Variants in GAL3ST2 observed in about 807,000 individuals in gnomAD.
The protein encoded by GAL3ST2 is beta-galactose-3-O-sulfotransferase 2.
GAL3ST2 carries 16 observed loss-of-function variants against 12.9 expected under a neutral mutation model. The observed-to-expected ratio is 1.24, with a 90% CI of 0.84 to 1.88. The LOEUF is 1.88. Ranked by LOEUF, GAL3ST2 falls within the 40% of genes most tolerant of loss-of-function variation. The pLI is 0.00. For missense variants in GAL3ST2, 639 were observed against 571.8 expected, an observed-to-expected ratio of 1.12 and a Z score of -1.20; for synonymous variants, 302 against 273.9, an observed-to-expected ratio of 1.10 and a Z score of -1.01.
intron 3 of GAL3ST2, 34 bp from the exon 4 acceptor site, chr2:241,803,311 G>A (rs1404922397): frequency 2.6e-6 from 4 of 1,530,822 alleles, no homozygotes; most frequent in Middle Eastern, 1.7e-4. Context: ...GCCTGGGCCC[G>A]CGGTCCGCAG....
intron 1 of GAL3ST2, among the ~76,000 whole-genome samples, chr2:241,779,273 T>C (rs1575360215): frequency 8.5e-6 from 1 of 117,852 alleles, no homozygotes; most frequent in South Asian, 3.2e-4. Flanking sequence ...TCGCTCTCTC[T>C]CCCAGTCTGG....
rs1401937009 is a variant in GAL3ST2, at chr2:241,793,749, T to C, written c.30-5316T>C. On this transcript the variant is annotated intron_variant, in intron 1 of 3. Transcript: ENST00000192314. The surrounding 1 kb of genome is among the most constrained non-coding windows in gnomAD (Gnocchi z 4.7). ...GTGTATGTGTGTATATGTATGTGTG[T>C]GTGTATTGTGTATGTGTAGTGTGTA... 1.3e-5 allele frequency among the ~76,000 whole-genome samples: 2 copies of C among 151,942 alleles called. No individual in the cohort carries two copies. Among genetic ancestry groups the C allele is most frequent in the African/African-American group, 4.8e-5 (2 of 41,344 alleles).
At position 241,777,048 on chromosome 2, in the gene GAL3ST2, C is replaced by T. The variant is rs894835361; in HGVS notation, c.29+64C>T. 63 of 1,344,696 alleles carry T rather than the reference C, an allele frequency of 4.7e-5. No homozygotes were observed. In the Admixed American group the frequency reaches 4.8e-4, roughly 10 times the overall value. 83.3% of individuals were successfully genotyped at this position (1,344,696 alleles called of 1,614,324 possible). ...CTTCATCTGTGGCTATTCTGAGAGA[C>T]GGACAGGAGTGGGTTTTGTTTGTCT... is the stretch of plus-strand genomic sequence containing the variant. On this transcript the variant is annotated intron_variant, in intron 1 of 3. Coordinates refer to ENST00000192314, the MANE Select transcript of GAL3ST2 (RefSeq NM_022134.3).
chr2:241,778,045 G>T (rs1699515673), intron 1 of GAL3ST2, among the ~76,000 whole-genome samples: 1 of 152,220 alleles, frequency 6.6e-6, no homozygotes, highest in South Asian at 2.1e-4. Flanking sequence ...AGCAGCCCAT[G>T]CAGGCTGCAC....
intron 1 of GAL3ST2, among the ~76,000 whole-genome samples, chr2:241,778,666 C>T (rs1438071464): frequency 6.6e-6 from 1 of 152,126 alleles, no homozygotes; most frequent in Non-Finnish European, 1.5e-5. Flanking sequence ...TGAGGACGTG[C>T]ACCCATGACC....
At position 241,799,068 on chromosome 2, in the gene GAL3ST2, C is replaced by G. The variant is rs1284259175; in HGVS notation, c.33C>G (p.Tyr11Ter). MMSMLGGLQR[Y>*]FRVILLLLLA... is the part of the protein sequence containing the mutation. ...TCATGGCCTGCCCTTTCCACAGATA[C>G]TTCCGGGTCATCCTCCTCCTCCTCC... The change falls in exon 2 of 4, where the codon TAC becomes TAG. Residue 11 changes from tyrosine to a stop codon, truncating the protein, a stop_gained. Coordinates refer to ENST00000192314, the MANE Select transcript of GAL3ST2 (RefSeq NM_022134.3). LOFTEE classifies it high-confidence loss of function. The G allele has an allele frequency of 1.2e-6, 2 of 1,613,238 alleles. No homozygotes were observed. The highest frequency in any genetic ancestry group is 3.3e-5 in the Admixed American group (2 of 60,004).
rs766568127 is a variant in GAL3ST2, at chr2:241,803,969, A to G, written c.1000A>G (p.Ile334Val). The G allele has an allele frequency of 3.3e-6, 5 of 1,533,758 alleles. No individual in the cohort carries two copies. In the Admixed American group the frequency reaches 8.0e-5, roughly 25 times the overall value. Residue 334 changes from isoleucine (I) to valine (V), a missense_variant, in exon 4 of 4, where the codon ATC becomes GTC. Ile to Val is a conservative substitution (Grantham distance 29, BLOSUM62 3). Transcript: ENST00000192314. ...CGGCGCGCTCAAGAACCACACGCAG[A>G]TCAGAGACCCGCGCCTGCGCCCCTA... ...DGGALKNHTQ[I>V]RDPRLRPYQS...
In GAL3ST2 at chr2:241,793,919, T is replaced by A. The variant is rs1368851221; in HGVS notation, c.30-5146T>A. On this transcript the variant is annotated intron_variant, in intron 1 of 3. Coordinates refer to ENST00000192314, the MANE Select transcript of GAL3ST2 (RefSeq NM_022134.3). The surrounding 1 kb of genome is among the most constrained non-coding windows in gnomAD (Gnocchi z 4.7). The stretch of plus-strand genomic sequence containing the variant: ...AACCAGAAGTTCCCTGAGCTGGAGA[T>A]GGGATGTCTTAAGTCGGTTTTGTTG... 6.6e-6 allele frequency among the ~76,000 whole-genome samples: 1 copy of A among 152,066 alleles called. No homozygotes were observed. The highest frequency in any genetic ancestry group is 2.4e-5 in the African/African-American group (1 of 41,380).
At chr2:241,798,542 C>T (rs1269245683) in intron 1 of GAL3ST2, among the ~76,000 whole-genome samples, 1 of 152,160 alleles carries the variant, frequency 6.6e-6, no homozygotes, top group African/African-American at 2.4e-5. Context: ...CTCCACCCGC[C>T]CTCAAACCTC....
At chr2:241,788,488 A>G (rs1017418368) in intron 1 of GAL3ST2, among the ~76,000 whole-genome samples, 5 of 151,984 alleles carry the variant, frequency 3.3e-5, no homozygotes, top group Non-Finnish European at 5.9e-5. Context: ...TTCTCCCAAC[A>G]TTAATCTCAG....
At chr2:241,789,198 T>C (rs1331446559) in intron 1 of GAL3ST2, among the ~76,000 whole-genome samples, 5 of 152,230 alleles carry the variant, frequency 3.3e-5, no homozygotes. Context: ...AAAACCACTG[T>C]TTCGATCTAG....
Position 241,795,720 on chromosome 2 carries a change from C to T in GAL3ST2, c.30-3345C>T, listed in dbSNP as rs536020017. Among the ~76,000 whole-genome samples, 2 of 152,366 alleles carry T rather than the reference C, an allele frequency of 1.3e-5. No individual in the cohort carries two copies. The highest frequency in any genetic ancestry group is 4.1e-4 in the South Asian group (2 of 4,832). On this transcript the variant is annotated intron_variant, in intron 1 of 3. Coordinates refer to ENST00000192314, the MANE Select transcript of GAL3ST2 (RefSeq NM_022134.3). The surrounding 1 kb of genome is among the most constrained non-coding windows in gnomAD (Gnocchi z 4.5). ...GAGCTCCGCTCTCAGTGTGGGGCCT[C>T]GTTTGGGTTTGGGAAAACATGTCCT...
chr2:241,803,597 G>A lies in GAL3ST2; in HGVS notation c.628G>A (p.Val210Met). ...DPNAQCEEGY[V>M]RARIAEVERR... ...CAACGCGCAGTGCGAGGAGGGCTAC[G>A]TGCGCGCGCGCATCGCCGAGGTGGA... Residue 210 changes from valine to methionine, a missense_variant, in exon 4 of 4, where the codon GTG becomes ATG. By Grantham distance (21) the Val-to-Met change is conservative. Transcript: ENST00000192314. The A allele has an allele frequency of 6.4e-7, 1 of 1,573,854 alleles. No individual in the cohort carries two copies. Among genetic ancestry groups the A allele is most frequent in the East Asian group, 2.3e-5 (1 of 42,862 alleles).
chr2:241,801,817 CAACATCA>C lies in GAL3ST2; in HGVS notation c.157_163del (p.Asn53CysfsTer3). 1 of 1,612,876 alleles carries C rather than the reference CAACATCA, an allele frequency of 6.2e-7. No homozygotes were observed. Among genetic ancestry groups the C allele is most frequent in the South Asian group, 1.1e-5 (1 of 91,086 alleles). ...GCCAGGCTGAGGGGCCGCCGGTCAC[CAACATCA>C]TGTTCCTGAAGACGCACAAGACGGC... On this transcript the variant is annotated frameshift_variant, in exon 3 of 4. Coordinates refer to ENST00000192314, the MANE Select transcript of GAL3ST2 (RefSeq NM_022134.3). LOFTEE classifies it high-confidence loss of function. The surrounding 1 kb of genome is among the most constrained non-coding windows in gnomAD (Gnocchi z 4.4).
At chr2:241,790,522 T>C (rs1699682449) in intron 1 of GAL3ST2, among the ~76,000 whole-genome samples, 2 of 152,230 alleles carry the variant, frequency 1.3e-5, no homozygotes, top group African/African-American at 4.8e-5. Flanking sequence ...CCCAAATTCC[T>C]ATCTAAGAGG....
In GAL3ST2 at chr2:241,800,377, C is replaced by G. The variant is rs1699827932; in HGVS notation, c.119+1223C>G. 6.6e-6 allele frequency among the ~76,000 whole-genome samples: 1 copy of G among 150,756 alleles called. No individual in the cohort carries two copies. Among genetic ancestry groups the G allele is most frequent in the Admixed American group, 6.6e-5 (1 of 15,216 alleles). ...GGGCACTTCGAGGGAGGGGGTGGGA[C>G]AGGGGCTTACGCTGAACGGCTTGGC... On this transcript the variant is annotated intron_variant, in intron 2 of 3. Coordinates refer to ENST00000192314, the MANE Select transcript of GAL3ST2 (RefSeq NM_022134.3). This position sits in a 1 kb window ranked among gnomAD's most constrained non-coding sequence, Gnocchi z 5.2.
chr2:241,804,254 C>T lies in GAL3ST2; in HGVS notation c.*88C>T. 1 of 1,196,536 alleles carries T rather than the reference C, an allele frequency of 8.4e-7. No individual in the cohort carries two copies. Among genetic ancestry groups the T allele is most frequent in the South Asian group, 2.2e-5 (1 of 44,552 alleles). 74.1% of individuals were successfully genotyped at this position (1,196,536 alleles called of 1,614,324 possible). ...GAGGCCGGGGATCCTTGCAGGGCTTCTGGGGCGTTGGGAAACCCAGGCCCG... is the reference window on the plus strand; with the variant it reads ...GAGGCCGGGGATCCTTGCAGGGCTTTTGGGGCGTTGGGAAACCCAGGCCCG... On this transcript the variant is annotated 3_prime_UTR_variant, in exon 4 of 4. Transcript: ENST00000192314.
rs935294920 is a variant in GAL3ST2 at position 241,803,832 on chromosome 2, G to A, written c.863G>A (p.Arg288His). The stretch of plus-strand genomic sequence containing the variant: ...TGGCGCCTGTACGAGCATTTCAACC[G>A]CACCCTCTGGGCGCAGCTGCGCGCC... ...LDWRLYEHFN[R>H]TLWAQLRAEL... Residue 288 changes from arginine to histidine, a missense_variant, in exon 4 of 4, where the codon CGC becomes CAC. Coordinates refer to ENST00000192314, the MANE Select transcript of GAL3ST2 (RefSeq NM_022134.3). 1.1e-5 allele frequency: 16 copies of A among 1,485,840 alleles called. No homozygotes were observed. The highest frequency in any genetic ancestry group is 4.3e-4 in the Middle Eastern group (2 of 4,654). The allele number at this position is 1,485,840 out of a possible 1,614,324, so 92.0% of individuals were successfully genotyped here.
chr2:241,783,754 A>G (rs995812749), intron 1 of GAL3ST2, among the ~76,000 whole-genome samples: 1 of 152,266 alleles, frequency 6.6e-6, no homozygotes, highest in Admixed American at 6.5e-5. Flanking sequence ...TTGCAAAATT[A>G]TAACTGAGAC....
Sources: allele counts gnomAD v4.1 joint callset (sites outside exome capture counted in the v4.1 genomes callset), GRCh38; gene constraint gnomAD v4.1.1; non-coding constraint Gnocchi (gnomAD v3.1); transcripts MANE v1.5; gene names NCBI Gene and HGNC (gene_info 2026-07-23, HGNC 2026-07-21).